Variants in GRIN2B observed in about 807,000 individuals in gnomAD.
GRIN2B encodes glutamate receptor ionotropic, NMDA 2B.
In GRIN2B, 5 loss-of-function variants were observed where a neutral mutation model predicts 114.5. That is an observed-to-expected ratio of 0.04 (90% CI 0.02 to 0.09). GRIN2B has a LOEUF of 0.09. GRIN2B is among the 10% of genes least tolerant of loss of function. GRIN2B has a pLI of 1.00. For synonymous variants in GRIN2B, 787 were observed against 745.1 expected (o/e 1.06, Z -0.92); for missense variants, 1,108 against 1,943.5 (o/e 0.57, Z 8.08).
At chr12:13,919,597 T>C (rs1459005881) in intron 2 of GRIN2B, among the ~76,000 whole-genome samples, 1 of 152,194 alleles carries the variant, frequency 6.6e-6, no homozygotes, top group Non-Finnish European at 1.5e-5. Context: ...TGCCACGTGA[T>C]GCAGTCTTTT....
chr12:13,579,351 C>A (rs1308506639), intron 10 of GRIN2B, among the ~76,000 whole-genome samples: 1 of 152,166 alleles, frequency 6.6e-6, no homozygotes, highest in Non-Finnish European at 1.5e-5. Flanking sequence ...TGGAGTTAAG[C>A]TGCCTGATTC....
chr12:13,699,886 C>CTT lies in GRIN2B; in HGVS notation c.1011-24029_1011-24028dup, dbSNP rs5796554. On this transcript the variant is annotated intron_variant, in intron 4 of 13. Transcript: ENST00000609686. ...ACAGGCATGAGCCACCGCACCCAGC[C>CTT]TTTTTTTTTTTTTTCTTGTCTAAAT... 8.3e-3 allele frequency among the ~76,000 whole-genome samples: 1,211 copies of CTT among 145,888 alleles called. 13 individuals are homozygous for CTT. Among genetic ancestry groups the CTT allele is most frequent in the African/African-American group, 0.028 (1,103 of 40,020 alleles).
chr12:13,706,981 G>A lies in GRIN2B; in HGVS notation c.1011-31122C>T, dbSNP rs192890128. On this transcript the variant is annotated intron_variant, in intron 4 of 13. Transcript: ENST00000609686. Reference sequence around the variant, plus strand: ...CTCTTTGCCCAAGCTTGGCTATAGAGAGGCAATGAGGTTTTCCAACCCGTC... The same window carrying A: ...CTCTTTGCCCAAGCTTGGCTATAGAAAGGCAATGAGGTTTTCCAACCCGTC... Among the ~76,000 whole-genome samples the A allele has an allele frequency of 2.0e-4, 31 of 152,214 alleles. No homozygotes were observed. The East Asian group carries it at 5.6e-3, about 28-fold the overall frequency.
At chr12:13,642,929 T>C (rs1053803542) in intron 5 of GRIN2B, among the ~76,000 whole-genome samples, 1 of 152,150 alleles carries the variant, frequency 6.6e-6, no homozygotes, top group Non-Finnish European at 1.5e-5. Context: ...TATGCTATGA[T>C]TGCATGGCTA....
At chr12:13,759,858 C>G (rs1863645565) in intron 3 of GRIN2B, among the ~76,000 whole-genome samples, 1 of 152,334 alleles carries the variant, frequency 6.6e-6, no homozygotes, top group South Asian at 2.1e-4. Flanking sequence ...CATATTGGCC[C>G]TTGGGTCCCA....
chr12:13,843,023 T>A (rs993097386), intron 3 of GRIN2B, among the ~76,000 whole-genome samples: 1 of 99,054 alleles, frequency 1.0e-5, no homozygotes, highest in East Asian at 2.4e-4. Flanking sequence ...TTTAAAATTT[T>A]TTATTATTTA....
chr12:13,878,311 GCTTCCGCTAAGCAATCCT>G (rs1256905976), intron 2 of GRIN2B, among the ~76,000 whole-genome samples: 2 of 152,182 alleles, frequency 1.3e-5, no homozygotes, highest in Non-Finnish European at 2.9e-5. Context: ...GAAGGTCACA[GCTTCCGCTAAGCAATCCT>G]CTCCTCATGA....
intron 5 of GRIN2B, among the ~76,000 whole-genome samples, chr12:13,636,879 G>A (rs923684274): frequency 6.6e-6 from 1 of 152,150 alleles, no homozygotes; most frequent in Non-Finnish European, 1.5e-5. Context: ...GGGTTGCTAT[G>A]AAGATTAAAC....
intron 2 of GRIN2B, among the ~76,000 whole-genome samples, chr12:13,871,094 TG>T (rs1365289272): frequency 6.6e-6 from 1 of 152,098 alleles, no homozygotes; most frequent in Non-Finnish European, 1.5e-5. Flanking sequence ...AAAATTTACA[TG>T]GGGAGAAACA....
At chr12:13,923,263 A>C (rs1866853292) in intron 2 of GRIN2B, among the ~76,000 whole-genome samples, 1 of 152,212 alleles carries the variant, frequency 6.6e-6, no homozygotes, top group Admixed American at 6.5e-5. Flanking sequence ...TAGATAAAGC[A>C]GTCTATTTTA....
intron 3 of GRIN2B, among the ~76,000 whole-genome samples, chr12:13,801,530 G>A (rs17761268): frequency 0.033 from 5,058 of 152,234 alleles, 113 homozygotes; most frequent in Admixed American, 0.052. Context: ...TGTAGAAATG[G>A]CTTTACCATC....
At chr12:13,778,739 T>G (rs148718596) in intron 3 of GRIN2B, among the ~76,000 whole-genome samples, 1 of 152,352 alleles carries the variant, frequency 6.6e-6, no homozygotes, top group Non-Finnish European at 1.5e-5. Flanking sequence ...CAGTCTTCCT[T>G]GTTGTCAAAT....
chr12:13,826,612 T>G (rs1414604725), intron 3 of GRIN2B, among the ~76,000 whole-genome samples: 1 of 152,218 alleles, frequency 6.6e-6, no homozygotes, highest in Non-Finnish European at 1.5e-5. Context: ...TCAGCAGTTT[T>G]ATTTATAATG....
At chr12:13,779,295 C>T (rs1864062975) in intron 3 of GRIN2B, among the ~76,000 whole-genome samples, 1 of 152,184 alleles carries the variant, frequency 6.6e-6, no homozygotes, top group African/African-American at 2.4e-5. Flanking sequence ...CCATCTGCCT[C>T]GGCCTCCCAA....
intron 4 of GRIN2B, among the ~76,000 whole-genome samples, chr12:13,744,615 TG>T (rs1478607017): frequency 1.3e-5 from 2 of 151,920 alleles, no homozygotes; most frequent in African/African-American, 4.8e-5. Flanking sequence ...GGAGCAGTAA[TG>T]AATGAGGGAA....
At chr12:13,835,800 G>A (rs11055636) in intron 3 of GRIN2B, among the ~76,000 whole-genome samples, 23,912 of 140,484 alleles carry the variant, frequency 0.17, 2,398 homozygotes, top group Middle Eastern at 0.23. Flanking sequence ...AAAAAAGAAA[G>A]CCAGCAGGAA....
rs1948336328 is a variant in GRIN2B at position 13,545,981 on chromosome 12, T to C, written c.*16802A>G. 6.6e-6 allele frequency: 1 copy of C among 152,238 alleles called. No homozygotes were observed. Among genetic ancestry groups the C allele is most frequent in the South Asian group, 2.1e-4 (1 of 4,830 alleles). 9.4% of individuals were successfully genotyped at this position (152,238 alleles called of 1,614,324 possible). A position where few individuals can be genotyped will look rare whatever the true frequency, so the allele number is the denominator to read the frequency against. On this transcript the variant is annotated 3_prime_UTR_variant, in exon 14 of 14. Coordinates refer to ENST00000609686, the MANE Select transcript of GRIN2B (RefSeq NM_000834.5). ...TAAAATGCCTATTTGTAATCGAATCTAGCAATTTTCTTTCTGAAGTAAACA... is the reference window on the plus strand; with the variant it reads ...TAAAATGCCTATTTGTAATCGAATCCAGCAATTTTCTTTCTGAAGTAAACA...
chr12:13,716,718 T>G (rs1488439167), intron 4 of GRIN2B, among the ~76,000 whole-genome samples: 1 of 152,138 alleles, frequency 6.6e-6, no homozygotes, highest in Middle Eastern at 3.4e-3. Flanking sequence ...TAATGTCATA[T>G]GATGATCTTT....
In GRIN2B at chr12:13,808,748, A is replaced by ATATATATATATATAT. The variant is rs1388525573; in HGVS notation, c.412-54834_412-54833insATATATATATATATA. 9.6e-3 allele frequency among the ~76,000 whole-genome samples: 1,057 copies of ATATATATATATATAT among 109,712 alleles called. 22 individuals carry two copies. Among genetic ancestry groups the ATATATATATATATAT allele is most frequent in the Middle Eastern group, 0.039 (8 of 204 alleles). The allele number at this position is 109,712 out of a possible 152,430, so 72.0% of individuals were successfully genotyped here. A position where few individuals can be genotyped will look rare whatever the true frequency, so the allele number is the denominator to read the frequency against. On this transcript the variant is annotated intron_variant, in intron 3 of 13. Transcript: ENST00000609686. The stretch of plus-strand genomic sequence containing the variant: ...CCCTAGAACTTAAAGTATAATAAAA[A>ATATATATATATATAT]AAAAATATATATATATATATATACA...
Sources: gnomAD v4.1 joint callset for allele counts (sites outside exome capture counted in the v4.1 genomes callset) on GRCh38, gnomAD v4.1.1 for gene constraint, MANE v1.5 for transcripts, NCBI Gene and HGNC (gene_info 2026-07-23, HGNC 2026-07-21) for gene names.